Variants in CHD1L observed in about 807,000 individuals in gnomAD.
CHD1L encodes the protein ATP-dependent chromatin remodeler CHD1L.
In CHD1L, 118 loss-of-function variants were observed where a neutral mutation model predicts 115.9. That is an observed-to-expected ratio of 1.02 (90% CI 0.88 to 1.19). CHD1L has a LOEUF of 1.19. Among genes scored for constraint, CHD1L ranks in the 50% most tolerant of loss-of-function variants. The pLI, the probability that CHD1L is intolerant of heterozygous loss-of-function variation, is 0.00. For missense variants in CHD1L, 1,179 were observed against 1,065.3 expected (o/e 1.11, Z -1.49); for synonymous variants, 411 against 387.1 (o/e 1.06, Z -0.72).
chr1:147,229,807 G>C, the CHD1L span, among the ~76,000 whole-genome samples: 4 of 151,828 alleles, frequency 2.6e-5, no homozygotes, highest in Non-Finnish European at 4.4e-5. Flanking sequence ...TTGGCTCTCT[G>C]TTTGTCTGTT....
chr1:147,293,543 G>T, intron 20 of CHD1L, 65 bp from the exon 21 acceptor site: 1 of 1,369,998 alleles, frequency 7.3e-7, no homozygotes. Flanking sequence ...GCCTCCATGG[G>T]CGGTCACTTG....
At chr1:147,236,002 C>T in the CHD1L span, among the ~76,000 whole-genome samples, 2,958 of 152,240 alleles carry the variant, frequency 0.019, 81 homozygotes, top group African/African-American at 0.068. Context: ...CAGCCAAGGG[C>T]CAGCCAGATG....
At chr1:147,290,404 TGAG>T (rs1685040614) in intron 19 of CHD1L, among the ~76,000 whole-genome samples, 3 of 152,176 alleles carry the variant, frequency 2.0e-5, no homozygotes, top group Admixed American at 2.0e-4. Flanking sequence ...TAAGGAGAAA[TGAG>T]GAAGATTACA....
chr1:147,288,895 T>G (rs1325584557), intron 19 of CHD1L, among the ~76,000 whole-genome samples: 1 of 152,116 alleles, frequency 6.6e-6, no homozygotes, highest in African/African-American at 2.4e-5. Context: ...AGGCACCTCC[T>G]TTTACATCCA....
the CHD1L span, chr1:147,178,520 C>T: frequency 6.2e-7 from 1 of 1,611,702 alleles, no homozygotes; most frequent in African/African-American, 1.3e-5. Context: ...GGCCCAGCTT[C>T]AGTGCCTCTC....
At chr1:147,285,159 G>A (rs1423289896) in intron 16 of CHD1L, among the ~76,000 whole-genome samples, 165 bp from the exon 17 acceptor site, 4 of 152,230 alleles carry the variant, frequency 2.6e-5, no homozygotes, top group African/African-American at 9.6e-5. Flanking sequence ...AGTATGAACA[G>A]TGCCTCCAAG....
the CHD1L span, among the ~76,000 whole-genome samples, chr1:147,214,458 A>C: frequency 0.42 from 812 of 1,916 alleles, 9 homozygotes; most frequent in African/African-American, 0.49. Context: ...CTGAAAAAAA[A>C]CAAAAAACAA....
chr1:147,213,390 T>C, the CHD1L span: 1 of 1,613,850 alleles, frequency 6.2e-7, no homozygotes, highest in South Asian at 1.1e-5. Context: ...TCATCTCCTT[T>C]TTCCCTTCAG....
At chr1:147,233,616 A>C in the CHD1L span, among the ~76,000 whole-genome samples, 1 of 152,224 alleles carries the variant, frequency 6.6e-6, no homozygotes, top group Non-Finnish European at 1.5e-5. Context: ...CTCATTGAGA[A>C]CAGGCCATGA....
the CHD1L span, among the ~76,000 whole-genome samples, chr1:147,231,390 G>A: frequency 2.0e-5 from 3 of 152,060 alleles, no homozygotes; most frequent in Non-Finnish European, 2.9e-5. Context: ...TATAATTTCT[G>A]TTCTTTTACA....
chr1:147,211,814 C>T, the CHD1L span, among the ~76,000 whole-genome samples: 1 of 152,176 alleles, frequency 6.6e-6, no homozygotes, highest in African/African-American at 2.4e-5. Flanking sequence ...TCTGAGTTAC[C>T]TAACTGTATG....
intron 11 of CHD1L, 109 bp downstream of exon 11, chr1:147,271,114 G>A: frequency 3.0e-6 from 3 of 985,216 alleles, no homozygotes; most frequent in South Asian, 1.5e-5. Flanking sequence ...GGAAAGCAGG[G>A]TGAGAACATT....
At chr1:147,225,129 TG>T in the CHD1L span, 1 of 1,584,694 alleles carries the variant, frequency 6.3e-7, no homozygotes, top group Non-Finnish European at 8.6e-7. Flanking sequence ...AGGAAGACCT[TG>T]GCCGTGGCAT....
intron 20 of CHD1L, 130 bp from the exon 21 acceptor site, chr1:147,293,478 C>T (rs1553972626): frequency 8.6e-6 from 6 of 695,224 alleles, no homozygotes; most frequent in Non-Finnish European, 7.7e-6. Context: ...GCTGTTCAGG[C>T]ATAGCATCCG....
chr1:147,252,878 G>GT, intron 2 of CHD1L, 143 bp downstream of exon 2: 1 of 654,534 alleles, frequency 1.5e-6, no homozygotes, highest in Non-Finnish European at 2.6e-6. Context: ...TCTTGCACCG[G>GT]GAAAGGGCCT....
At chr1:147,286,201 C>T (rs1440337491) in intron 17 of CHD1L, 97 bp from the exon 18 acceptor site, 2 of 1,178,236 alleles carry the variant, frequency 1.7e-6, no homozygotes, top group African/African-American at 3.1e-5. Flanking sequence ...TGCATTTCTA[C>T]TTGGCAGATA....
At chr1:147,215,406 G>T in the CHD1L span, 2,192 of 191,030 alleles carry the variant, frequency 0.011, 26 homozygotes, top group Non-Finnish European at 0.016. Flanking sequence ...TGGACAAGTT[G>T]TGGAACCAGA....
chr1:147,194,842 C>A, the CHD1L span, among the ~76,000 whole-genome samples: 1 of 152,060 alleles, frequency 6.6e-6, no homozygotes, highest in Non-Finnish European at 1.5e-5. Context: ...GGCCCCCACT[C>A]TCTTCTGGCT....
chr1:147,282,580 G>A (rs1303211646), intron 15 of CHD1L, among the ~76,000 whole-genome samples: 1 of 152,022 alleles, frequency 6.6e-6, no homozygotes, highest in East Asian at 1.9e-4. Flanking sequence ...ATCCACCATT[G>A]CCTCATAGAT....
Sources: allele counts gnomAD v4.1 joint callset (sites outside exome capture counted in the v4.1 genomes callset), GRCh38; gene constraint gnomAD v4.1.1; transcripts MANE v1.5; gene names NCBI Gene and HGNC (gene_info 2026-07-23, HGNC 2026-07-21).